The following PREX2 variants were observed in gnomAD, a reference collection of about 807,000 sequenced individuals.
PREX2 encodes the protein phosphatidylinositol-3,4,5-trisphosphate dependent Rac exchange factor 2, also known as phosphatidylinositol 3,4,5-trisphosphate-dependent Rac exchanger 2 protein.
Under a neutral mutation model 203.2 loss-of-function variants are expected in PREX2, and 107 were observed. That is an observed-to-expected ratio of 0.53 (90% CI 0.45 to 0.62). The LOEUF (loss-of-function observed/expected upper bound fraction) is 0.62, where lower values mean the gene tolerates loss of function less well. Ranked by LOEUF, PREX2 falls within the 20% of genes least tolerant of loss-of-function variation. The pLI, the probability that PREX2 is intolerant of heterozygous loss-of-function variation, is 0.00. For synonymous variants in PREX2, 672 were observed against 663.6 expected (o/e 1.01, Z -0.19); for missense variants, 1,777 against 1,955.9 (o/e 0.91, Z 1.72).
intron 33 of PREX2, among the ~76,000 whole-genome samples, chr8:68,144,915 A>G (rs759875206): frequency 2.0e-4 from 31 of 152,192 alleles, no homozygotes; most frequent in Admixed American, 5.2e-4. Context: ...CATTATCACT[A>G]TTTTTCTTTC....
chr8:68,073,378 C>G (rs566028608), intron 14 of PREX2, among the ~76,000 whole-genome samples: 1 of 151,960 alleles, frequency 6.6e-6, no homozygotes, highest in South Asian at 2.1e-4. Flanking sequence ...TTCATACACA[C>G]CTTTACTTTT....
chr8:67,952,359 C>A lies in PREX2; in HGVS notation c.-36C>A, dbSNP rs767171434. ...CGGGCGCGCGGGTCAGCGCTCAGCA[C>A]GGCGGGCAGCGCCGCGCTGCGCACC... On this transcript the variant is annotated 5_prime_UTR_variant, in exon 1 of 40. Transcript: ENST00000288368. 6.7e-7 allele frequency: 1 copy of A among 1,486,106 alleles called. No individual in the cohort carries two copies. Among genetic ancestry groups the A allele is most frequent in the Non-Finnish European group, 8.9e-7 (1 of 1,120,894 alleles). 92.1% of individuals were successfully genotyped at this position (1,486,106 alleles called of 1,614,324 possible). A position where few individuals can be genotyped will look rare whatever the true frequency, so the allele number is the denominator to read the frequency against.
At position 67,987,185 on chromosome 8, in the gene PREX2, CA is replaced by C. The variant is rs1563486203; in HGVS notation, c.142-30660del. On this transcript the variant is annotated intron_variant, in intron 1 of 39. Transcript: ENST00000288368. ...AAAAAAAAAAAAAAAAAAAGAACACCACTAACTAATTTCTGATGTATTTCTT... is the reference window on the plus strand; with the variant it reads ...AAAAAAAAAAAAAAAAAAAGAACACCCTAACTAATTTCTGATGTATTTCTT... Among the ~76,000 whole-genome samples the C allele has an allele frequency of 5.9e-5, 8 of 135,308 alleles. 1 individual carries two copies. The highest frequency in any genetic ancestry group is 2.4e-4 in the South Asian group (1 of 4,198). 88.8% of individuals were successfully genotyped at this position (135,308 alleles called of 152,430 possible). A position where few individuals can be genotyped will look rare whatever the true frequency, so the allele number is the denominator to read the frequency against.
intron 1 of PREX2, among the ~76,000 whole-genome samples, chr8:67,958,869 G>C (rs1299520058): frequency 6.6e-6 from 1 of 152,098 alleles, no homozygotes; most frequent in Non-Finnish European, 1.5e-5. Context: ...AACAGCACTA[G>C]GAGGAAAAGG....
In PREX2 at chr8:68,077,403, T is replaced by C. The variant is rs1809383352; in HGVS notation, c.1576T>C (p.Cys526Arg). Residue 526 changes from cysteine to arginine, a missense_variant, in exon 15 of 40, where the codon TGC becomes CGC. By Grantham distance (180) the Cys-to-Arg change is radical (BLOSUM62 -3). Transcript: ENST00000288368. ...GTGCTTTTTTGGTTAACAGGGAGAT[T>C]GCCGCACCAGAGAAGAGGCAATGAT... ...LIDWLIAQGD[C>R]RTREEAMIFG... The C allele has an allele frequency of 6.2e-7, 1 of 1,613,370 alleles. No individual in the cohort carries two copies. The highest frequency in any genetic ancestry group is 1.7e-5 in the Admixed American group (1 of 60,004).
chr8:68,190,594 A>G (rs750735546), intron 35 of PREX2, among the ~76,000 whole-genome samples: 1 of 151,940 alleles, frequency 6.6e-6, no homozygotes, highest in Non-Finnish European at 1.5e-5. Context: ...ACCTCTTCCC[A>G]CTTGTGGAGA....
chr8:68,074,058 T>G (rs1310947718), intron 14 of PREX2, among the ~76,000 whole-genome samples: 2 of 151,940 alleles, frequency 1.3e-5, no homozygotes, highest in African/African-American at 4.8e-5. Context: ...CTTTCGCCTC[T>G]GGGGTTCAAG....
intron 31 of PREX2, among the ~76,000 whole-genome samples, chr8:68,132,419 A>T (rs1433690824): frequency 1.3e-5 from 2 of 151,988 alleles, no homozygotes; most frequent in East Asian, 3.9e-4. Flanking sequence ...CCACCATTTT[A>T]ACCTACCAAA....
At chr8:68,143,254 G>T (rs535467026) in intron 33 of PREX2, among the ~76,000 whole-genome samples, 1 of 149,282 alleles carries the variant, frequency 6.7e-6, no homozygotes, top group Non-Finnish European at 1.5e-5. Flanking sequence ...CATGAATGAT[G>T]TTGTGCCTTC....
chr8:67,970,951 G>A (rs1805908960), intron 1 of PREX2, among the ~76,000 whole-genome samples: 1 of 152,154 alleles, frequency 6.6e-6, no homozygotes, highest in South Asian at 2.1e-4. Context: ...AATGCCTGAG[G>A]CTTTTGGCTA....
intron 5 of PREX2, among the ~76,000 whole-genome samples, chr8:68,029,355 C>G (rs1807816190): frequency 6.6e-6 from 1 of 152,022 alleles, no homozygotes; most frequent in Admixed American, 6.6e-5. Flanking sequence ...CATAGAGGCA[C>G]CTGTGGTGCC....
At chr8:68,112,677 T>C (rs543628787) in intron 25 of PREX2, among the ~76,000 whole-genome samples, 4 of 152,280 alleles carry the variant, frequency 2.6e-5, no homozygotes, top group Admixed American at 2.6e-4. Context: ...TTCTGTGAGT[T>C]GAGTTATGAA....
chr8:68,080,690 AC>A, intron 16 of PREX2, 55 bp from the exon 17 acceptor site: 2 of 1,457,194 alleles, frequency 1.4e-6, no homozygotes, highest in Admixed American at 4.0e-5. Flanking sequence ...GTTCTGTTTG[AC>A]TTGTAATTTT....
chr8:68,117,053 C>T (rs1386367964), intron 26 of PREX2, among the ~76,000 whole-genome samples: 1 of 152,196 alleles, frequency 6.6e-6, no homozygotes, highest in Non-Finnish European at 1.5e-5. Context: ...AAACTATCTT[C>T]TTCACTCATT....
intron 35 of PREX2, among the ~76,000 whole-genome samples, chr8:68,177,847 TTC>T (rs1027786525): frequency 1.8e-4 from 28 of 152,130 alleles, no homozygotes; most frequent in African/African-American, 6.0e-4. Flanking sequence ...GCTCTATGTG[TTC>T]TCAGCGTTTA....
chr8:68,089,258 T>C (rs1809794266), intron 19 of PREX2, among the ~76,000 whole-genome samples: 1 of 152,102 alleles, frequency 6.6e-6, no homozygotes, highest in South Asian at 2.1e-4. Context: ...CCCAATTGAC[T>C]GTCTTCTACT....
chr8:68,051,112 A>G (rs1483801319), intron 8 of PREX2, among the ~76,000 whole-genome samples: 2 of 152,100 alleles, frequency 1.3e-5, no homozygotes, highest in Non-Finnish European at 2.9e-5. Context: ...ACCAGACTCA[A>G]TCCAGGAAAG....
rs957994693 is a variant in PREX2 at position 68,060,584 on chromosome 8, A to G, written c.1239-95A>G. ...TGCAAATATTCCTTTATATTTTGAG[A>G]TTCCTTTCATCATTGCTTCATGACT... On this transcript the variant is annotated intron_variant, in intron 10 of 39. Transcript: ENST00000288368. 5.2e-6 allele frequency: 4 copies of G among 762,452 alleles called. No homozygotes were observed. The African/African-American group carries it at 7.1e-5, about 14-fold the overall frequency. The allele number at this position is 762,452 out of a possible 1,614,324, so 47.2% of individuals were successfully genotyped here.
chr8:68,146,801 G>A (rs1429680727), intron 34 of PREX2, among the ~76,000 whole-genome samples: 2 of 152,050 alleles, frequency 1.3e-5, no homozygotes, highest in East Asian at 1.9e-4. Flanking sequence ...ATCAATGGGT[G>A]GTTAAATTGA....
Sources: gnomAD v4.1 joint callset for allele counts (sites outside exome capture counted in the v4.1 genomes callset) on GRCh38, gnomAD v4.1.1 for gene constraint, MANE v1.5 for transcripts, NCBI Gene and HGNC (gene_info 2026-07-23, HGNC 2026-07-21) for gene names.